The following COL8A1 variants were observed in gnomAD, a reference collection of about 807,000 sequenced individuals.
COL8A1 encodes collagen alpha-1(VIII) chain.
In COL8A1, 21 loss-of-function variants were observed where a neutral mutation model predicts 42.7. The ratio of observed to expected loss-of-function variants is 0.49; its 90% confidence interval spans 0.35 to 0.71. The LOEUF (loss-of-function observed/expected upper bound fraction) is 0.71, where lower values mean the gene tolerates loss of function less well. COL8A1 is among the 30% of genes least tolerant of loss of function. The pLI is 0.01. For missense variants in COL8A1, 788 were observed against 962.4 expected, an observed-to-expected ratio of 0.82 and a Z score of 2.40; for synonymous variants, 367 against 369.1, an observed-to-expected ratio of 0.99 and a Z score of 0.06.
chr3:99,710,117 A>T (rs1939793812), intron 1 of COL8A1, among the ~76,000 whole-genome samples: 1 of 152,238 alleles, frequency 6.6e-6, no homozygotes, highest in Admixed American at 6.5e-5. Context: ...CACACATTTA[A>T]CACTAAAAAG....
intron 1 of COL8A1, among the ~76,000 whole-genome samples, chr3:99,728,765 A>G (rs944881559): frequency 2.0e-5 from 3 of 152,036 alleles, no homozygotes; most frequent in African/African-American, 7.2e-5. Context: ...AATTGAATAC[A>G]AGTATCTCAT....
At chr3:99,757,653 T>C (rs1941280387) in intron 2 of COL8A1, among the ~76,000 whole-genome samples, 1 of 152,180 alleles carries the variant, frequency 6.6e-6, no homozygotes, top group Non-Finnish European at 1.5e-5. Flanking sequence ...GGCTGGCCTT[T>C]TTTCCATCAC....
chr3:99,757,010 TGAAGAA>T (rs1041353006), intron 2 of COL8A1, among the ~76,000 whole-genome samples: 33 of 152,322 alleles, frequency 2.2e-4, no homozygotes, highest in African/African-American at 7.7e-4. Context: ...TTTTTGTAGA[TGAAGAA>T]GAAACGAAAT....
intron 1 of COL8A1, among the ~76,000 whole-genome samples, chr3:99,656,029 A>C (rs995011272): frequency 6.6e-6 from 1 of 152,260 alleles, no homozygotes; most frequent in African/African-American, 2.4e-5. Context: ...ACATCTTTAA[A>C]AGAATCACTG....
intron 1 of COL8A1, among the ~76,000 whole-genome samples, chr3:99,656,341 C>T (rs182011562): frequency 1.8e-3 from 281 of 152,270 alleles, no homozygotes; most frequent in Non-Finnish European, 2.7e-3. Context: ...CAGTAGAACA[C>T]ATTATTAACT....
In COL8A1 at chr3:99,797,273, T is replaced by G. The variant is rs1017365708; in HGVS notation, c.*1137T>G. The G allele has an allele frequency of 1.3e-5, 2 of 151,996 alleles. No individual in the cohort carries two copies. Among genetic ancestry groups the G allele is most frequent in the Non-Finnish European group, 2.9e-5 (2 of 68,002 alleles). The allele number at this position is 151,996 out of a possible 1,614,324, so 9.4% of individuals were successfully genotyped here. A position where few individuals can be genotyped will look rare whatever the true frequency, so the allele number is the denominator to read the frequency against. ...ATGTAATCTGAGGTTCCAAAGTCAA[T>G]TTTTTTCTTTTTTTTTTGAGATGGA... On this transcript the variant is annotated 3_prime_UTR_variant, in exon 4 of 4. Transcript: ENST00000652472.
intron 1 of COL8A1, among the ~76,000 whole-genome samples, chr3:99,640,486 G>C (rs984676229): frequency 2.6e-5 from 4 of 152,152 alleles, no homozygotes; most frequent in Non-Finnish European, 4.4e-5. Context: ...TTGGGGTGGA[G>C]GGGGAAATGC....
At chr3:99,659,576 A>G (rs1938135695) in intron 1 of COL8A1, among the ~76,000 whole-genome samples, 1 of 152,222 alleles carries the variant, frequency 6.6e-6, no homozygotes, top group Admixed American at 6.5e-5. Flanking sequence ...TTATTGACAA[A>G]GAAAAATAAG....
At position 99,752,105 on chromosome 3, in the gene COL8A1, T is replaced by C. The variant is rs115663662; in HGVS notation, c.-4+7084T>C. 6.2e-3 allele frequency among the ~76,000 whole-genome samples: 948 copies of C among 152,250 alleles called. 6 individuals are homozygous for C. Among genetic ancestry groups the C allele is most frequent in the African/African-American group, 0.018 (752 of 41,546 alleles). On this transcript the variant is annotated intron_variant, in intron 2 of 3. Transcript: ENST00000652472. ...TCATCCCCTGCAAATAGATACTTAC[T>C]TTGCATTATGGACATCCTGGAAGAA...
intron 1 of COL8A1, among the ~76,000 whole-genome samples, chr3:99,697,663 C>G (rs938907537): frequency 6.6e-6 from 1 of 152,110 alleles, no homozygotes; most frequent in Non-Finnish European, 1.5e-5. Context: ...TTCTCACTGA[C>G]CAAAGATAGT....
At chr3:99,744,245 A>G (rs1224506034) in intron 1 of COL8A1, among the ~76,000 whole-genome samples, 4 of 152,214 alleles carry the variant, frequency 2.6e-5, no homozygotes, top group East Asian at 1.9e-4. Context: ...TTCTTAAACA[A>G]GTTCCTGTGA....
At chr3:99,724,486 C>T (rs1940245451) in intron 1 of COL8A1, among the ~76,000 whole-genome samples, 1 of 151,988 alleles carries the variant, frequency 6.6e-6, no homozygotes, top group Non-Finnish European at 1.5e-5. Context: ...TCAGACACAC[C>T]CTGGAAGACT....
At chr3:99,708,680 G>T (rs1939750570) in intron 1 of COL8A1, among the ~76,000 whole-genome samples, 1 of 151,988 alleles carries the variant, frequency 6.6e-6, no homozygotes. Flanking sequence ...GCTGGATAGG[G>T]CCCCACAAGG....
rs761529802 is a variant in COL8A1, at chr3:99,795,850, C to T, written c.1949C>T (p.Thr650Ile). Residue 650 changes from threonine to isoleucine, a missense_variant, in exon 4 of 4, where the codon ACA becomes ATA. Coordinates refer to ENST00000652472, the MANE Select transcript of COL8A1 (RefSeq NM_020351.4). The stretch of plus-strand genomic sequence containing the variant: ...GGCAGACAGAACTACAACCCGCAGA[C>T]AGGCATCTTCACCTGTGAGGTCCCT... ...YNGRQNYNPQ[T>I]GIFTCEVPGV... 3.7e-6 allele frequency: 6 copies of T among 1,614,192 alleles called. No homozygotes were observed. Among genetic ancestry groups the T allele is most frequent in the South Asian group, 3.3e-5 (3 of 91,088 alleles).
At chr3:99,759,779 G>C (rs904120974) in intron 2 of COL8A1, among the ~76,000 whole-genome samples, 1 of 152,192 alleles carries the variant, frequency 6.6e-6, no homozygotes, top group African/African-American at 2.4e-5. Context: ...CACTTCAAAT[G>C]ATGACTGTGC....
At chr3:99,725,902 T>G (rs1051586565) in intron 1 of COL8A1, among the ~76,000 whole-genome samples, 3 of 152,178 alleles carry the variant, frequency 2.0e-5, no homozygotes, top group Admixed American at 6.5e-5. Flanking sequence ...TATAGCAGCA[T>G]GATTTATAAT....
At chr3:99,728,960 C>T (rs2107380932) in intron 1 of COL8A1, among the ~76,000 whole-genome samples, 1 of 152,036 alleles carries the variant, frequency 6.6e-6, no homozygotes, top group Admixed American at 6.6e-5. Flanking sequence ...GACCTCTGAC[C>T]ATGTCCTGCA....
At chr3:99,717,302 G>A (rs1940025841) in intron 1 of COL8A1, among the ~76,000 whole-genome samples, 1 of 151,956 alleles carries the variant, frequency 6.6e-6, no homozygotes, top group Admixed American at 6.6e-5. Flanking sequence ...TTTATGTAAA[G>A]TAACTAACAA....
chr3:99,791,072 T>C (rs976345089), intron 3 of COL8A1, 62 bp downstream of exon 3: 1 of 1,416,022 alleles, frequency 7.1e-7, no homozygotes, highest in Non-Finnish European at 9.6e-7. Flanking sequence ...AATTATGGGA[T>C]CAGAGGGGGA....
Sources: gnomAD v4.1 joint callset for allele counts (sites outside exome capture counted in the v4.1 genomes callset) on GRCh38, gnomAD v4.1.1 for gene constraint, MANE v1.5 for transcripts, NCBI Gene and HGNC (gene_info 2026-07-23, HGNC 2026-07-21) for gene names.